DOCK9: variants seen among roughly 807,000 people sequenced by gnomAD.
The protein encoded by DOCK9 is dedicator of cytokinesis protein 9.
Under a neutral mutation model 263.3 loss-of-function variants are expected in DOCK9, and 89 were observed. That is an observed-to-expected ratio of 0.34 (90% CI 0.28 to 0.40). The LOEUF (loss-of-function observed/expected upper bound fraction) is 0.40. Among genes scored for constraint, DOCK9 ranks in the 10% least tolerant of loss-of-function variants. The probability of loss-of-function intolerance (pLI) is 1.00; values close to 1 mark genes in which losing one functional copy is unlikely to be tolerated. For missense variants in DOCK9, 2,140 were observed against 2,603.4 expected (o/e 0.82, Z 3.87); for synonymous variants, 976 against 973.1 (o/e 1.00, Z -0.06).
intron 45 of DOCK9, among the ~76,000 whole-genome samples, chr13:98,822,200 G>A (rs1050559792): frequency 1.3e-5 from 2 of 152,166 alleles, no homozygotes; most frequent in Non-Finnish European, 2.9e-5. Flanking sequence ...ACAAGGTGAC[G>A]AATCCGTCTT....
At chr13:98,989,913 A>G (rs1429704754) in intron 1 of DOCK9, among the ~76,000 whole-genome samples, 2 of 152,228 alleles carry the variant, frequency 1.3e-5, no homozygotes, top group Non-Finnish European at 2.9e-5. Context: ...TCAAACCAAT[A>G]AGAAAGGGTC....
intron 2 of DOCK9, among the ~76,000 whole-genome samples, chr13:98,953,745 G>GGTTCTCATTTATTAGTCC (rs1398294197): frequency 6.6e-6 from 1 of 152,176 alleles, no homozygotes. Context: ...ATCATTCAGA[G>GGTTCTCATTTATTAGTCC]GTTCTCATTT....
At chr13:98,932,326 C>T (rs2054083333) in intron 2 of DOCK9, among the ~76,000 whole-genome samples, 1 of 152,080 alleles carries the variant, frequency 6.6e-6, no homozygotes, top group Admixed American at 6.6e-5. Flanking sequence ...ACCCGGGAGG[C>T]GGAGGTTGCA....
intron 1 of DOCK9, among the ~76,000 whole-genome samples, chr13:99,043,642 GCTAT>G (rs1287963393): frequency 1.3e-5 from 2 of 152,150 alleles, no homozygotes; most frequent in African/African-American, 2.4e-5. Context: ...AGCTGCCAAG[GCTAT>G]CTATTTTCTT....
chr13:98,969,726 C>G (rs1343969380), intron 1 of DOCK9, among the ~76,000 whole-genome samples: 3 of 152,162 alleles, frequency 2.0e-5, no homozygotes, highest in African/African-American at 7.2e-5. Context: ...GGGCTTGAAG[C>G]ATAAAATGAT....
intron 1 of DOCK9, among the ~76,000 whole-genome samples, chr13:98,966,194 G>A (rs1191750826): frequency 6.6e-6 from 1 of 152,248 alleles, no homozygotes; most frequent in African/African-American, 2.4e-5. Context: ...TGCCCGGGGA[G>A]TCACATGAGG....
chr13:98,917,674 C>A (rs2051122021), intron 7 of DOCK9, among the ~76,000 whole-genome samples: 1 of 147,106 alleles, frequency 6.8e-6, no homozygotes, highest in Non-Finnish European at 1.5e-5. Flanking sequence ...GGCGGGGGTA[C>A]TGCACAGTGG....
In DOCK9 at chr13:98,846,711, C is replaced by T. The variant is rs146038454; in HGVS notation, c.4062-651G>A. 25 of 446,810 alleles carry T rather than the reference C, an allele frequency of 5.6e-5. No homozygotes were observed. The East Asian group carries it at 1.7e-3, about 30-fold the overall frequency. 27.7% of individuals were successfully genotyped at this position (446,810 alleles called of 1,614,324 possible). The stretch of plus-strand genomic sequence containing the variant: ...GTCCCGGAGCCAACCGTCCCCCTCA[C>T]TGTGTTATTGTGTGTAGGAGAACAG... On this transcript the variant is annotated intron_variant, in intron 37 of 52. Transcript: ENST00000682017.
intron 50 of DOCK9, among the ~76,000 whole-genome samples, chr13:98,798,263 G>A (rs1369211688): frequency 6.6e-6 from 1 of 152,176 alleles, no homozygotes; most frequent in Non-Finnish European, 1.5e-5. Context: ...TTCCCGGAAG[G>A]TCTGGTGAGC....
chr13:98,979,277 C>G (rs774304957), upstream of DOCK9, among the ~76,000 whole-genome samples: 1 of 151,636 alleles, frequency 6.6e-6, no homozygotes, highest in South Asian at 2.1e-4. Context: ...CAGTCAACAA[C>G]GAGAGTAGTT....
Position 98,794,619 on chromosome 13 carries a change from G to T in DOCK9, c.*7C>A. Reference sequence around the variant, plus strand: ...GCAAGTCCCCACACACGGGCCATGAGATGTAATCACACGACCGAAGACGAG... The same window carrying T: ...GCAAGTCCCCACACACGGGCCATGATATGTAATCACACGACCGAAGACGAG... On this transcript the variant is annotated 3_prime_UTR_variant, in exon 53 of 53. Coordinates refer to ENST00000682017, the MANE Select transcript of DOCK9 (RefSeq NM_001366683.2). 6.3e-7 allele frequency: 1 copy of T among 1,582,558 alleles called. No individual in the cohort carries two copies. The highest frequency in any genetic ancestry group is 8.6e-7 in the Non-Finnish European group (1 of 1,163,960).
At chr13:98,947,034 C>T (rs1261680953) in intron 2 of DOCK9, among the ~76,000 whole-genome samples, 1 of 152,202 alleles carries the variant, frequency 6.6e-6, no homozygotes, top group African/African-American at 2.4e-5. Flanking sequence ...GAGTCCAGAT[C>T]TTCCTTTTTA....
chr13:98,856,603 G>A (rs1274226317), intron 33 of DOCK9: 1 of 152,504 alleles, frequency 6.6e-6, no homozygotes, highest in African/African-American at 2.4e-5. Flanking sequence ...TAATCAATGA[G>A]GGACAGGAAA....
chr13:98,799,863 C>T (rs890646048), intron 50 of DOCK9, among the ~76,000 whole-genome samples: 15 of 152,130 alleles, frequency 9.9e-5, no homozygotes, highest in African/African-American at 3.4e-4. Context: ...ATAATGAATT[C>T]ATTAATCAAA....
chr13:98,857,830 TTG>T (rs2093744567), intron 33 of DOCK9: 2 of 152,230 alleles, frequency 1.3e-5, no homozygotes, highest in African/African-American at 4.8e-5. Context: ...ATGTGAATGA[TTG>T]TCGCAAGGGA....
intron 1 of DOCK9, among the ~76,000 whole-genome samples, chr13:99,066,692 C>T (rs9300527): frequency 0.28 from 42,118 of 151,612 alleles, 6,284 homozygotes; most frequent in East Asian, 0.43. Context: ...CCTGTTTTCC[C>T]TAGTTAGCTT....
In DOCK9 at chr13:98,829,208, T is replaced by G. The variant is rs1594423822; in HGVS notation, c.4965+99A>C. 7 of 1,130,204 alleles carry G rather than the reference T, an allele frequency of 6.2e-6. No individual in the cohort carries two copies. In the East Asian group the frequency reaches 1.8e-4, roughly 29 times the overall value. The allele number at this position is 1,130,204 out of a possible 1,614,324, so 70.0% of individuals were successfully genotyped here. On this transcript the variant is annotated intron_variant, in intron 43 of 52. Transcript: ENST00000682017. This position sits in a 1 kb window ranked among gnomAD's most constrained non-coding sequence, Gnocchi z 4.1. ...GTTTTGCATACTTTTAATTGGTTTT[T>G]GATTAATGGAATAACTTTTCTCAAA...
At chr13:98,795,763 C>CT (rs11449176) in intron 52 of DOCK9, among the ~76,000 whole-genome samples, 58,172 of 145,680 alleles carry the variant, frequency 0.4, 11,938 homozygotes, top group Middle Eastern at 0.43. Context: ...TTTTTTTCTA[C>CT]TTTTTTTTTT....
chr13:98,954,219 TCAAA>T (rs1333694271), intron 2 of DOCK9, among the ~76,000 whole-genome samples: 1 of 150,514 alleles, frequency 6.6e-6, no homozygotes, highest in Admixed American at 6.6e-5. Context: ...ACTTTTGGAA[TCAAA>T]CAACAAAGAA....
Sources: gnomAD v4.1 joint callset for allele counts (sites outside exome capture counted in the v4.1 genomes callset) on GRCh38, gnomAD v4.1.1 for gene constraint, Gnocchi (gnomAD v3.1) non-coding constraint, MANE v1.5 for transcripts, NCBI Gene and HGNC (gene_info 2026-07-23, HGNC 2026-07-21) for gene names.